Variants in TDRD3 observed in about 807,000 individuals in gnomAD.
TDRD3 encodes the protein tudor domain-containing protein 3.
In TDRD3, 45 loss-of-function variants were observed where a neutral mutation model predicts 86.7. The ratio of observed to expected loss-of-function variants is 0.52; its 90% CI spans 0.41 to 0.67. The LOEUF is 0.67. Ranked by LOEUF, TDRD3 falls within the 30% of genes least tolerant of loss-of-function variation. The probability of loss-of-function intolerance (pLI) is 0.00; values close to 1 mark genes in which losing one functional copy is unlikely to be tolerated. For synonymous variants in TDRD3, 298 were observed against 301.7 expected (o/e 0.99, Z 0.13); for missense variants, 814 against 889.0 (o/e 0.92, Z 1.07).
At chr13:60,444,389 A>G (rs1281151812) in intron 2 of TDRD3, among the ~76,000 whole-genome samples, 2 of 151,998 alleles carry the variant, frequency 1.3e-5, no homozygotes, top group Non-Finnish European at 1.5e-5. Context: ...CACAATTTAC[A>G]TAAATTAAGT....
Position 60,535,098 on chromosome 13 carries a change from GCCT to G in TDRD3, c.1993-5_1993-3del, listed in dbSNP as rs1957670725. 2 of 1,612,456 alleles carry G rather than the reference GCCT, an allele frequency of 1.2e-6. No individual in the cohort carries two copies. Among genetic ancestry groups the G allele is most frequent in the Admixed American group, 1.7e-5 (1 of 59,744 alleles). On this transcript the variant is annotated splice_region_variant and splice_polypyrimidine_tract_variant and intron_variant, in intron 11 of 13. Transcript: ENST00000377881. The stretch of plus-strand genomic sequence containing the variant: ...AGTTGTCATATTTAAAACTCCTTTT[GCCT>G]CCTCAGTTTTACCGGGCAGAAGTTG...
intron 8 of TDRD3, among the ~76,000 whole-genome samples, chr13:60,498,219 A>G (rs909661230): frequency 6.6e-6 from 1 of 152,104 alleles, no homozygotes; most frequent in Non-Finnish European, 1.5e-5. Context: ...TGCAAAATAG[A>G]TTTGTGAGGG....
At chr13:60,406,752 G>T (rs1954244084) in intron 1 of TDRD3, among the ~76,000 whole-genome samples, 1 of 152,156 alleles carries the variant, frequency 6.6e-6, no homozygotes, top group South Asian at 2.1e-4. Flanking sequence ...TTATTGACTT[G>T]CTGATATTGG....
chr13:60,570,457 G>T (rs1436511655), intron 13 of TDRD3, among the ~76,000 whole-genome samples: 1 of 152,194 alleles, frequency 6.6e-6, no homozygotes, highest in African/African-American at 2.4e-5. Flanking sequence ...TACATTGTTG[G>T]TGGAGATGTA....
intron 1 of TDRD3, among the ~76,000 whole-genome samples, chr13:60,407,973 A>C (rs773073991): frequency 3.3e-5 from 5 of 152,086 alleles, no homozygotes; most frequent in African/African-American, 4.8e-5. Context: ...GTGAGATCTG[A>C]TGGGTTTTTC....
intron 5 of TDRD3, among the ~76,000 whole-genome samples, chr13:60,480,514 T>C (rs973247073): frequency 6.6e-6 from 1 of 152,220 alleles, no homozygotes. Context: ...TTTGAATTTC[T>C]TCAGTTTGCA....
intron 5 of TDRD3, among the ~76,000 whole-genome samples, chr13:60,474,294 C>G (rs1453625766): frequency 1.3e-5 from 2 of 152,202 alleles, no homozygotes; most frequent in Non-Finnish European, 2.9e-5. Flanking sequence ...ACCCTGCCCC[C>G]TTGTCTTGTA....
rs563592207 is a variant in TDRD3, at chr13:60,510,764, AT to A, written c.1141+12del. The A allele has an allele frequency of 4.2e-4, 637 of 1,521,104 alleles. 2 individuals carry two copies. The African/African-American group carries it at 7.7e-3, about 18-fold the overall frequency. 94.2% of individuals were successfully genotyped at this position (1,521,104 alleles called of 1,614,324 possible). A position where few individuals can be genotyped will look rare whatever the true frequency, so the allele number is the denominator to read the frequency against. On this transcript the variant is annotated intron_variant, in intron 10 of 13. Coordinates refer to ENST00000377881, the MANE Select transcript of TDRD3 (RefSeq NM_001146070.2). ...AACTTTGAATGTGGAAGGTAAGCTAATTTAAAGTTGATTCCTTTTTTTTTCT... is the reference window on the plus strand; with the variant it reads ...AACTTTGAATGTGGAAGGTAAGCTAATTAAAGTTGATTCCTTTTTTTTTCT...
intron 8 of TDRD3, among the ~76,000 whole-genome samples, chr13:60,496,988 G>A (rs1412450051): frequency 6.6e-6 from 1 of 152,104 alleles, no homozygotes; most frequent in African/African-American, 2.4e-5. Context: ...GAAGAAAACC[G>A]TGGAACCCAG....
At chr13:60,537,445 C>G (rs776555170) in intron 12 of TDRD3, 10 of 152,006 alleles carry the variant, frequency 6.6e-5, no homozygotes, top group Non-Finnish European at 8.8e-5. Context: ...GTGTTGCTGT[C>G]AGTACATGCA....
chr13:60,567,412 A>C, intron 12 of TDRD3, 113 bp from the exon 13 acceptor site: 1 of 1,363,374 alleles, frequency 7.3e-7, no homozygotes, highest in Admixed American at 2.0e-5. Context: ...GACATGTGTG[A>C]ATTCCAGGGC....
intron 5 of TDRD3, among the ~76,000 whole-genome samples, chr13:60,480,289 T>C (rs1956281685): frequency 6.6e-6 from 1 of 152,176 alleles, no homozygotes. Context: ...TTGGTTGGAA[T>C]TTCTTTTCTT....
intron 3 of TDRD3, 46 bp downstream of exon 3, chr13:60,444,794 T>G (rs1454795531): frequency 8.8e-7 from 1 of 1,132,266 alleles, no homozygotes; most frequent in Non-Finnish European, 1.2e-6. Context: ...TTAGTTACAA[T>G]AAATATGAAC....
rs1837682138 is a variant in TDRD3 at position 60,519,802 on chromosome 13, C to T, written c.1142-8565C>T. Among the ~76,000 whole-genome samples the T allele has an allele frequency of 1.3e-5, 2 of 152,146 alleles. 1 individual carries two copies. The highest frequency in any genetic ancestry group is 4.1e-4 in the South Asian group (2 of 4,828). On this transcript the variant is annotated intron_variant, in intron 10 of 13. Transcript: ENST00000377881. Reference sequence around the variant, plus strand: ...GAAATAGGGATGTTATAACTGTACTCTGAGGTAAGCTCATTTGGTTTTTTA... The same window carrying T: ...GAAATAGGGATGTTATAACTGTACTTTGAGGTAAGCTCATTTGGTTTTTTA...
In TDRD3 at chr13:60,528,890, TAATG is replaced by T; in HGVS notation, c.1668_1671del (p.Asn556LysfsTer6). ...ATGACAGGAAATCACAAACAATAAA[TAATG>T]AAGCTTTCAGTGGTATAAAAATTGA... is the stretch of plus-strand genomic sequence containing the variant. On this transcript the variant is annotated frameshift_variant, in exon 11 of 14. Transcript: ENST00000377881. LOFTEE classifies it high-confidence loss of function. 6.2e-7 allele frequency: 1 copy of T among 1,612,460 alleles called. No individual in the cohort carries two copies. Among genetic ancestry groups the T allele is most frequent in the Non-Finnish European group, 8.5e-7 (1 of 1,179,602 alleles).
chr13:60,493,193 C>T (rs1031405437), intron 7 of TDRD3, among the ~76,000 whole-genome samples: 1 of 151,816 alleles, frequency 6.6e-6, no homozygotes, highest in Admixed American at 6.6e-5. Context: ...GCTAGGATTA[C>T]AGGCGTGAGC....
In TDRD3 at chr13:60,529,196, A is replaced by C. The variant is rs1957526877; in HGVS notation, c.1971A>C (p.Ala657=). ...GGAAACCTGGAGATGAATGTTTTGC[A>C]CTTTATTGGGAAGACAACAAGGTAT... The part of the protein sequence containing the change: ...KMWKPGDECF[A]LYWEDNKFYR... The change falls in exon 11 of 14, where the codon GCA becomes GCC. Residue 657 remains alanine, a synonymous_variant. Transcript: ENST00000377881. 1.2e-6 allele frequency: 2 copies of C among 1,602,562 alleles called. No individual in the cohort carries two copies. Among genetic ancestry groups the C allele is most frequent in the Non-Finnish European group, 8.5e-7 (1 of 1,175,400 alleles).
intron 1 of TDRD3, among the ~76,000 whole-genome samples, chr13:60,416,517 T>C (rs2137849395): frequency 6.6e-6 from 1 of 152,348 alleles, no homozygotes; most frequent in African/African-American, 2.4e-5. Context: ...AATCTGAGTT[T>C]CCTTTTTTAA....
intron 12 of TDRD3, among the ~76,000 whole-genome samples, chr13:60,554,497 C>G (rs1595112073): frequency 6.6e-6 from 1 of 152,102 alleles, no homozygotes; most frequent in African/African-American, 2.4e-5. Context: ...TCTATTTGCT[C>G]TACTTTTTAA....
Sources: allele counts gnomAD v4.1 joint callset (sites outside exome capture counted in the v4.1 genomes callset), GRCh38; gene constraint gnomAD v4.1.1; transcripts MANE v1.5; gene names NCBI Gene and HGNC (gene_info 2026-07-23, HGNC 2026-07-21).